The following MCF2L variants were observed in gnomAD, a reference collection of about 807,000 sequenced individuals.
The protein encoded by MCF2L is MCF.2 cell line derived transforming sequence like.
In MCF2L, 97 loss-of-function variants were observed where a neutral mutation model predicts 153.4. That is an observed-to-expected ratio of 0.63 (90% CI 0.54 to 0.75). MCF2L has a LOEUF of 0.75. Ranked by LOEUF, MCF2L falls within the 30% of genes least tolerant of loss-of-function variation. The pLI is 0.00. For missense variants in MCF2L, 1,347 were observed against 1,495.2 expected (o/e 0.90, Z 1.64); for synonymous variants, 659 against 632.2 (o/e 1.04, Z -0.64).
rs1015399513 is a variant in MCF2L at position 113,097,949 on chromosome 13, G to A, written c.*1090G>A. On this transcript the variant is annotated 3_prime_UTR_variant, in exon 30 of 30. Coordinates refer to ENST00000535094, the MANE Select transcript of MCF2L (RefSeq NM_001112732.3). ...AAAGTGGGGAGAGTATTTTATTCAAGTCACAGCAGAACTGGAAAAAAACTC... is the reference window on the plus strand; with the variant it reads ...AAAGTGGGGAGAGTATTTTATTCAAATCACAGCAGAACTGGAAAAAAACTC... 1.3e-5 allele frequency: 2 copies of A among 152,184 alleles called. No individual in the cohort carries two copies. The highest frequency in any genetic ancestry group is 1.3e-4 in the Admixed American group (2 of 15,288). The allele number at this position is 152,184 out of a possible 1,614,324, so 9.4% of individuals were successfully genotyped here.
rs1375662615 is a variant in MCF2L at position 113,053,583 on chromosome 13, G to A, written c.370-7010G>A. Among the ~76,000 whole-genome samples the A allele has an allele frequency of 2.0e-5, 3 of 152,200 alleles. No individual in the cohort carries two copies. The highest frequency in any genetic ancestry group is 4.4e-5 in the Non-Finnish European group (3 of 68,048). On this transcript the variant is annotated intron_variant, in intron 4 of 29. Transcript: ENST00000535094. The surrounding 1 kb of genome is among the most constrained non-coding windows in gnomAD (Gnocchi z 4.4). The stretch of plus-strand genomic sequence containing the variant: ...AAGGTGCCTCTCCTCTTGGTAATCA[G>A]TGGGTCATGTGTGGTGATGCTCAGG...
rs2081153777 is a variant in MCF2L, at chr13:112,904,629, C to T, written c.169+2258C>T. 6.6e-6 allele frequency among the ~76,000 whole-genome samples: 1 copy of T among 152,262 alleles called. No homozygotes were observed. The highest frequency in any genetic ancestry group is 2.4e-5 in the African/African-American group (1 of 41,472). On this transcript the variant is annotated intron_variant, in intron 2 of 29. Transcript: ENST00000375608. The surrounding 1 kb of genome is among the most constrained non-coding windows in gnomAD (Gnocchi z 4.2). ...GAAAGCCCTTTAGGCAGCTTCCCTC[C>T]AACCCTGGACTCCAGGGGATTGGAA...
chr13:113,092,665 C>T (rs1285779033), intron 26 of MCF2L, among the ~76,000 whole-genome samples: 1 of 152,264 alleles, frequency 6.6e-6, no homozygotes, highest in African/African-American at 2.4e-5. Flanking sequence ...ATCACCCGGC[C>T]TCCTGCCTTC....
rs138717745 is a variant in MCF2L, at chr13:112,993,932, TA to T, written c.80-20827del. 6.6e-3 allele frequency among the ~76,000 whole-genome samples: 720 copies of T among 109,066 alleles called. 23 individuals carry two copies. In the East Asian group the frequency reaches 0.15, roughly 22 times the overall value. The allele number at this position is 109,066 out of a possible 152,430, so 71.6% of individuals were successfully genotyped here. A position where few individuals can be genotyped will look rare whatever the true frequency, so the allele number is the denominator to read the frequency against. On this transcript the variant is annotated intron_variant, in intron 1 of 29. Transcript: ENST00000535094. The surrounding 1 kb of genome is among the most constrained non-coding windows in gnomAD (Gnocchi z 4.6). Reference sequence around the variant, plus strand: ...ATCCACAGCTCGATTTCCCTTCAGATAAAAGGCACAATCACAACAGCAGCAA... The same window carrying T: ...ATCCACAGCTCGATTTCCCTTCAGATAAAGGCACAATCACAACAGCAGCAA...
intron 2 of MCF2L, among the ~76,000 whole-genome samples, chr13:112,915,121 C>T (rs2081277199): frequency 6.6e-6 from 1 of 151,982 alleles, no homozygotes; most frequent in Admixed American, 6.6e-5. Context: ...ATCAAAATCT[C>T]CATGTTGGCC....
At position 112,939,638 on chromosome 13, in the gene MCF2L, T is replaced by A. The variant is rs75847995; in HGVS notation, c.169+37267T>A. Among the ~76,000 whole-genome samples, 543 of 152,220 alleles carry A rather than the reference T, an allele frequency of 3.6e-3. 2 individuals carry two copies. The highest frequency in any genetic ancestry group is 0.01 in the Middle Eastern group (3 of 294). Reference sequence around the variant, plus strand: ...GACACTTTGGGTTAAATGGAAAGCGTCCTATGGGTGTGCAGCAGAGGGAGA... The same window carrying A: ...GACACTTTGGGTTAAATGGAAAGCGACCTATGGGTGTGCAGCAGAGGGAGA... On this transcript the variant is annotated intron_variant, in intron 2 of 29. Coordinates refer to the MCF2L transcript ENST00000375608.
chr13:112,979,432 C>A, intron 1 of MCF2L: 3 of 1,401,994 alleles, frequency 2.1e-6, no homozygotes, highest in South Asian at 3.1e-5. Flanking sequence ...GGAGGCCGGG[C>A]ACTCTGAGGA....
At chr13:113,021,888 C>T (rs1411628426) in intron 2 of MCF2L, among the ~76,000 whole-genome samples, 1 of 152,200 alleles carries the variant, frequency 6.6e-6, no homozygotes, top group Non-Finnish European at 1.5e-5. Context: ...TTCAGAGATA[C>T]CCAGGGTAGC....
intron 2 of MCF2L, among the ~76,000 whole-genome samples, chr13:112,903,998 G>T (rs1032467694): frequency 6.6e-6 from 1 of 152,192 alleles, no homozygotes; most frequent in Non-Finnish European, 1.5e-5. Flanking sequence ...CTGGAAGGTT[G>T]CTGAGTCTTC....
At chr13:112,911,836 A>G (rs2081236499) in intron 2 of MCF2L, among the ~76,000 whole-genome samples, 2 of 152,254 alleles carry the variant, frequency 1.3e-5, no homozygotes, top group African/African-American at 2.4e-5. Flanking sequence ...TTCCCTAAAC[A>G]TTACTGAGCT....
At chr13:112,950,003 T>C (rs1379397335) in intron 2 of MCF2L, among the ~76,000 whole-genome samples, 1 of 118,236 alleles carries the variant, frequency 8.5e-6, no homozygotes, top group Non-Finnish European at 1.7e-5. Context: ...CCAAGGATTC[T>C]ACAAAAAAAA....
intron 4 of MCF2L, chr13:113,047,176 C>CCATT: frequency 6.5e-6 from 1 of 153,144 alleles, no homozygotes; most frequent in East Asian, 1.9e-4. Context: ...TGGCGCTGAG[C>CCATT]CATTCATAAG....
At chr13:112,939,852 C>A (rs775085686) in intron 2 of MCF2L, among the ~76,000 whole-genome samples, 4 of 152,096 alleles carry the variant, frequency 2.6e-5, no homozygotes, top group Non-Finnish European at 4.4e-5. Flanking sequence ...TGCCTGTAAT[C>A]CCAGCTACGT....
chr13:113,059,562 C>G (rs2031015133), intron 4 of MCF2L, among the ~76,000 whole-genome samples: 1 of 152,196 alleles, frequency 6.6e-6, no homozygotes, highest in Admixed American at 6.5e-5. Context: ...ATTTCAGCAT[C>G]TGGACATAAC....
chr13:113,007,274 G>A (rs1477632584), intron 1 of MCF2L, among the ~76,000 whole-genome samples: 1 of 152,162 alleles, frequency 6.6e-6, no homozygotes, highest in African/African-American at 2.4e-5. Flanking sequence ...GTCAGGAAAC[G>A]TTCATGAAAA....
Position 112,953,023 on chromosome 13 carries a change from G to A in MCF2L, c.169+50652G>A, listed in dbSNP as rs551295574. On this transcript the variant is annotated intron_variant, in intron 2 of 29. Coordinates refer to the MCF2L transcript ENST00000375608. ...CAGAAGGTCTAAATGGGATGGGCCC[G>A]AGGGCTGCTGCTTCTGGGTGATCCT... Among the ~76,000 whole-genome samples the A allele has an allele frequency of 2.9e-4, 44 of 152,336 alleles. No homozygotes were observed. The East Asian group carries it at 5.6e-3, about 19-fold the overall frequency.
intron 3 of MCF2L, among the ~76,000 whole-genome samples, chr13:113,037,338 G>A (rs1268870638): frequency 6.6e-6 from 1 of 152,202 alleles, no homozygotes; most frequent in East Asian, 1.9e-4. Context: ...TTCTGGGGAA[G>A]CAGGGAATTG....
chr13:112,905,433 G>A (rs371013840), intron 2 of MCF2L, among the ~76,000 whole-genome samples: 135 of 152,272 alleles, frequency 8.9e-4, no homozygotes, highest in African/African-American at 3.2e-3. Context: ...GAATGGATGT[G>A]GGTTACAGAT....
rs1004029239 is a variant in MCF2L at position 113,097,781 on chromosome 13, C to G, written c.*922C>G. The G allele has an allele frequency of 2.6e-5, 4 of 152,056 alleles. No homozygotes were observed. Among genetic ancestry groups the G allele is most frequent in the African/African-American group, 4.8e-5 (2 of 41,374 alleles). 9.4% of individuals were successfully genotyped at this position (152,056 alleles called of 1,614,324 possible). ...AGGGTGTGGCGTGGACCAGTGCTGCCGACCATAGCTCAGAGAGCCCTGCCC... is the reference window on the plus strand; with the variant it reads ...AGGGTGTGGCGTGGACCAGTGCTGCGGACCATAGCTCAGAGAGCCCTGCCC... On this transcript the variant is annotated 3_prime_UTR_variant, in exon 30 of 30. Transcript: ENST00000535094.
Sources: allele counts gnomAD v4.1 joint callset (sites outside exome capture counted in the v4.1 genomes callset), GRCh38; gene constraint gnomAD v4.1.1; non-coding constraint Gnocchi (gnomAD v3.1); transcripts MANE v1.5; gene names NCBI Gene and HGNC (gene_info 2026-07-23, HGNC 2026-07-21).